MYO9B: variants seen among roughly 807,000 people sequenced by gnomAD.
The protein encoded by MYO9B is myosin IXB.
A neutral mutation model predicts 229.5 loss-of-function variants in MYO9B; 71 were observed. The ratio of observed to expected loss-of-function variants is 0.31; its 90% CI spans 0.26 to 0.38. The LOEUF is 0.38. MYO9B is among the 10% of genes least tolerant of loss of function. The pLI is 1.00. For synonymous variants in MYO9B, 1,185 were observed against 1,235.8 expected, an observed-to-expected ratio of 0.96 and a Z score of 0.86; for missense variants, 2,255 against 2,920.5, an observed-to-expected ratio of 0.77 and a Z score of 5.25.
intron 2 of MYO9B, among the ~76,000 whole-genome samples, chr19:17,123,374 G>A (rs927652657): frequency 6.6e-6 from 1 of 151,974 alleles, no homozygotes; most frequent in African/African-American, 2.4e-5. Context: ...TAACACTTGT[G>A]AATATCTATG....
chr19:17,207,011 T>C, intron 34 of MYO9B, 102 bp from the exon 35 acceptor site: 1 of 1,482,016 alleles, frequency 6.7e-7, no homozygotes, highest in Admixed American at 1.9e-5. Context: ...GTGGCACTGC[T>C]TTCCCAACAG....
At chr19:17,126,189 C>CT (rs1199388468) in intron 2 of MYO9B, among the ~76,000 whole-genome samples, 1 of 152,228 alleles carries the variant, frequency 6.6e-6, no homozygotes, top group African/African-American at 2.4e-5. Context: ...CCAGCCCTGC[C>CT]TGCTGGCCTC....
chr19:17,156,927 G>A lies in MYO9B; in HGVS notation c.1218G>A (p.Ser406=), dbSNP rs769006299. The change falls in exon 7 of 40, where the codon TCG becomes TCA. Residue 406 remains serine, a synonymous_variant. Coordinates refer to ENST00000682292, the MANE Select transcript of MYO9B (RefSeq NM_004145.4). The part of the protein sequence containing the change: ...ATKKQIFAVL[S]AILYLGNVTY... ...TTCCCAGGATTTTTGCCGTCCTCTC[G>A]GCCATCCTGTACCTGGGCAACGTCA... 27 of 1,612,936 alleles carry A rather than the reference G, an allele frequency of 1.7e-5. No individual in the cohort carries two copies. Among genetic ancestry groups the A allele is most frequent in the South Asian group, 4.4e-5 (4 of 90,974 alleles).
intron 2 of MYO9B, among the ~76,000 whole-genome samples, chr19:17,108,839 G>A (rs1251694481): frequency 2.7e-5 from 4 of 149,764 alleles, no homozygotes; most frequent in South Asian, 2.1e-4. Context: ...CAGCCCTCCC[G>A]AGTAGCTGGG....
chr19:17,190,865 G>A (rs538516909), intron 19 of MYO9B, among the ~76,000 whole-genome samples: 2 of 152,054 alleles, frequency 1.3e-5, no homozygotes, highest in African/African-American at 4.8e-5. Flanking sequence ...AGCTGGTCTC[G>A]AACTCCTGAC....
chr19:17,156,911 T>A lies in MYO9B; in HGVS notation c.1202T>A (p.Ile401Asn), dbSNP rs1338939853. The A allele has an allele frequency of 4.3e-6, 7 of 1,610,708 alleles. No individual in the cohort carries two copies. Among genetic ancestry groups the A allele is most frequent in the Non-Finnish European group, 5.9e-6 (7 of 1,178,918 alleles). Residue 401 changes from isoleucine (I) to asparagine (N), a missense_variant and splice_region_variant, in exon 7 of 40, where the codon ATT becomes AAT. Transcript: ENST00000682292. Reference sequence around the variant, plus strand: ...TATGAGTGCCTTTTCTTTCCCAGGATTTTTGCCGTCCTCTCGGCCATCCTG... The same window carrying A: ...TATGAGTGCCTTTTCTTTCCCAGGAATTTTGCCGTCCTCTCGGCCATCCTG... Reference protein sequence around the residue: ...VGFLPATKKQIFAVLSAILYL... With the variant: ...VGFLPATKKQNFAVLSAILYL...
At chr19:17,210,987 T>C in intron 38 of MYO9B, 139 bp downstream of exon 38, 44 of 958,942 alleles carry the variant, frequency 4.6e-5, no homozygotes, top group Admixed American at 5.9e-5. Flanking sequence ...CTTTTTTTTT[T>C]TTTTTTTTTT....
At chr19:17,174,945 T>A (rs76932450) in intron 13 of MYO9B, among the ~76,000 whole-genome samples, 20,968 of 134,674 alleles carry the variant, frequency 0.16, 1,800 homozygotes, top group East Asian at 0.35. Flanking sequence ...AAAAAATAAA[T>A]AAATAAATAA....
intron 18 of MYO9B, among the ~76,000 whole-genome samples, chr19:17,187,445 C>T (rs1013136896): frequency 1.3e-5 from 2 of 152,176 alleles, no homozygotes; most frequent in African/African-American, 4.8e-5. Flanking sequence ...GTGTGTGGCT[C>T]CTGCCCCCAG....
At position 17,195,033 on chromosome 19, in the gene MYO9B, C is replaced by A. The variant is rs1321592245; in HGVS notation, c.3606C>A (p.Thr1202=). 1 of 1,612,980 alleles carries A rather than the reference C, an allele frequency of 6.2e-7. No individual in the cohort carries two copies. Among genetic ancestry groups the A allele is most frequent in the Non-Finnish European group, 8.5e-7 (1 of 1,179,872 alleles). The change falls in exon 22 of 40, where the codon ACC becomes ACA. Residue 1202 remains threonine, a synonymous_variant. Coordinates refer to ENST00000682292, the MANE Select transcript of MYO9B (RefSeq NM_004145.4). This position sits in a 1 kb window ranked among gnomAD's most constrained non-coding sequence, Gnocchi z 4.5. ...AAAAGGAGAGCAGAGAAGATGAAAC[C>A]CTTCTAGTCGTAGAGACGGAGGCTG... ...EDKKESREDE[T]LLVVETEAEN...
chr19:17,116,876 C>T (rs561103025), intron 2 of MYO9B, among the ~76,000 whole-genome samples: 2 of 152,248 alleles, frequency 1.3e-5, no homozygotes, highest in African/African-American at 2.4e-5. Context: ...GGTACTCCCT[C>T]GGCTTCATTT....
intron 2 of MYO9B, among the ~76,000 whole-genome samples, chr19:17,134,874 C>T (rs1349797253): frequency 6.6e-6 from 1 of 152,160 alleles, no homozygotes; most frequent in Non-Finnish European, 1.5e-5. Flanking sequence ...GACGATTCTC[C>T]TGCCTCAGCC....
chr19:17,173,463 T>C (rs2072748477), intron 13 of MYO9B, among the ~76,000 whole-genome samples: 1 of 151,732 alleles, frequency 6.6e-6, no homozygotes, highest in African/African-American at 2.4e-5. Flanking sequence ...CGCCACCACA[T>C]AGGCTAATTT....
In MYO9B at chr19:17,193,802, T is replaced by C. The variant is rs1044583207; in HGVS notation, c.3128+740T>C. 1.3e-5 allele frequency among the ~76,000 whole-genome samples: 2 copies of C among 152,128 alleles called. No individual in the cohort carries two copies. Among genetic ancestry groups the C allele is most frequent in the African/African-American group, 2.4e-5 (1 of 41,434 alleles). ...CTGAGGTGGGAGGATCACCTGGGCC[T>C]GGGATGTCGAGGCTGCAGTGAGCTA... On this transcript the variant is annotated intron_variant, in intron 21 of 39. Coordinates refer to ENST00000682292, the MANE Select transcript of MYO9B (RefSeq NM_004145.4). This position sits in a 1 kb window ranked among gnomAD's most constrained non-coding sequence, Gnocchi z 4.3.
chr19:17,185,373 CAAAA>C (rs200070053), intron 17 of MYO9B, among the ~76,000 whole-genome samples: 6 of 107,548 alleles, frequency 5.6e-5, no homozygotes, highest in African/African-American at 1.7e-4. Flanking sequence ...GACTCCATCT[CAAAA>C]AAAAAAAAAA....
intron 2 of MYO9B, among the ~76,000 whole-genome samples, chr19:17,118,548 C>G (rs1171012777): frequency 2.6e-5 from 4 of 151,914 alleles, no homozygotes; most frequent in Non-Finnish European, 4.4e-5. Context: ...GTGGTGCGAT[C>G]TTGGCTCACT....
intron 2 of MYO9B, among the ~76,000 whole-genome samples, chr19:17,127,637 A>G (rs2072141414): frequency 6.6e-6 from 1 of 152,112 alleles, no homozygotes; most frequent in South Asian, 2.1e-4. Context: ...CCCCCTAAGC[A>G]TTTTTAAAAT....
At chr19:17,206,950 G>T (rs918571435) in intron 34 of MYO9B, 163 bp from the exon 35 acceptor site, 41 of 1,271,034 alleles carry the variant, frequency 3.2e-5, no homozygotes, top group Middle Eastern at 2.1e-4. Flanking sequence ...GGCCGCCCGG[G>T]TCCCTTGAGG....
intron 1 of MYO9B, among the ~76,000 whole-genome samples, chr19:17,087,436 C>T (rs1229916198): frequency 1.3e-5 from 2 of 152,130 alleles, no homozygotes; most frequent in Admixed American, 6.6e-5. Context: ...GCAGAAGTCA[C>T]GAGAGAGCAT....
Sources: gnomAD v4.1 joint callset for allele counts (sites outside exome capture counted in the v4.1 genomes callset) on GRCh38, gnomAD v4.1.1 for gene constraint, Gnocchi (gnomAD v3.1) non-coding constraint, MANE v1.5 for transcripts, NCBI Gene and HGNC (gene_info 2026-07-23, HGNC 2026-07-21) for gene names.